Variants in DCDC1 observed in about 807,000 individuals in gnomAD.
The protein encoded by DCDC1 is doublecortin domain-containing protein 1.
In DCDC1, 200 loss-of-function variants were observed where a neutral mutation model predicts 178.3. The ratio of observed to expected loss-of-function variants is 1.12; its 90% confidence interval spans 1.00 to 1.26. The LOEUF (loss-of-function observed/expected upper bound fraction) is 1.26, where lower values mean the gene tolerates loss of function less well. Among genes scored for constraint, DCDC1 ranks in the 50% most tolerant of loss-of-function variants. The pLI is 0.00. For missense variants in DCDC1, 1,983 were observed against 1,749.2 expected (o/e 1.13, Z -2.38); for synonymous variants, 690 against 604.8 (o/e 1.14, Z -2.07).
intron 1 of DCDC1, among the ~76,000 whole-genome samples, chr11:31,362,913 G>A (rs1449989908): frequency 6.6e-6 from 1 of 152,078 alleles, no homozygotes; most frequent in Non-Finnish European, 1.5e-5. Context: ...GCAAGAAGCT[G>A]AAATGCTAAA....
chr11:31,284,305 A>G (rs1349562918), intron 7 of DCDC1, among the ~76,000 whole-genome samples: 1 of 152,190 alleles, frequency 6.6e-6, no homozygotes, highest in African/African-American at 2.4e-5. Context: ...CTTAAACATC[A>G]GAAAATGGGT....
intron 1 of DCDC1, among the ~76,000 whole-genome samples, chr11:31,351,563 T>C (rs1951072192): frequency 6.6e-6 from 1 of 152,144 alleles, no homozygotes; most frequent in Non-Finnish European, 1.5e-5. Context: ...GTAAATATTA[T>C]GTGGGAAATC....
chr11:31,276,610 CATT>C (rs1288892138), intron 7 of DCDC1, among the ~76,000 whole-genome samples: 4 of 152,100 alleles, frequency 2.6e-5, no homozygotes, highest in Non-Finnish European at 5.9e-5. Context: ...AAATTATTAT[CATT>C]ATGTTAACCA....
At chr11:31,075,259 T>C (rs1049657657) in intron 18 of DCDC1, among the ~76,000 whole-genome samples, 10 of 152,230 alleles carry the variant, frequency 6.6e-5, no homozygotes, top group Non-Finnish European at 2.9e-5. Context: ...TATTCCACTG[T>C]ATATATACCA....
At chr11:30,920,635 A>T in intron 25 of DCDC1, 141 bp downstream of exon 25, 1 of 939,492 alleles carries the variant, frequency 1.1e-6, no homozygotes, top group Non-Finnish European at 1.5e-6. Context: ...CCGGAAAACT[A>T]ATTAAATACT....
Position 30,906,595 on chromosome 11 carries a change from G to C in DCDC1, c.4049C>G (p.Thr1350Ser). 1.2e-6 allele frequency: 2 copies of C among 1,613,334 alleles called. No homozygotes were observed. Among genetic ancestry groups the C allele is most frequent in the Non-Finnish European group, 1.7e-6 (2 of 1,179,624 alleles). Residue 1350 changes from threonine (T) to serine (S), a missense_variant, in exon 30 of 39, where the codon ACC becomes AGC. By Grantham distance (58) the Thr-to-Ser change is moderately conservative. Coordinates refer to ENST00000684477, the MANE Select transcript of DCDC1 (RefSeq NM_001387274.1). ...PGVPFLCISG[T>S]KTQKPFLQGP... ...TTGTAAGAAGGGCTTCTGAGTCTTG[G>C]TGCCTGAAATACAGAGGAATGGAAC...
chr11:31,075,806 C>T (rs573428572), intron 18 of DCDC1, among the ~76,000 whole-genome samples: 2 of 152,352 alleles, frequency 1.3e-5, no homozygotes, highest in East Asian at 3.9e-4. Context: ...GGGGGACTCT[C>T]AAAGTGCTCA....
At chr11:31,265,457 A>T in intron 8 of DCDC1, 50 bp downstream of exon 8, 1 of 1,063,404 alleles carries the variant, frequency 9.4e-7, no homozygotes, top group Non-Finnish European at 1.3e-6. Flanking sequence ...ACAAAATATA[A>T]ATGTCTTTCA....
chr11:31,246,330 A>G (rs955272129), intron 8 of DCDC1, among the ~76,000 whole-genome samples: 1 of 152,060 alleles, frequency 6.6e-6, no homozygotes, highest in Admixed American at 6.6e-5. Context: ...AGTTACCTAT[A>G]AAGAAACTTC....
intron 9 of DCDC1, among the ~76,000 whole-genome samples, chr11:31,175,596 A>G (rs541324717): frequency 1.1e-4 from 17 of 152,290 alleles, no homozygotes; most frequent in African/African-American, 3.8e-4. Context: ...AGCCACACTC[A>G]TGCACACCTG....
In DCDC1 at chr11:31,200,958, C is replaced by A. The variant is rs558088993; in HGVS notation, c.1221+40492G>T. On this transcript the variant is annotated intron_variant, in intron 9 of 38. Transcript: ENST00000684477. ...CTTGCTCTTAGGAGAAAAAAAAAAA[C>A]AAAAAATCTTCTAGCCCCCAAATCT... is the stretch of plus-strand genomic sequence containing the variant. Among the ~76,000 whole-genome samples, 7 of 151,044 alleles carry A rather than the reference C, an allele frequency of 4.6e-5. No individual in the cohort carries two copies. In the South Asian group the frequency reaches 1.0e-3, roughly 23 times the overall value.
chr11:31,125,474 G>A (rs1401320912), intron 11 of DCDC1, among the ~76,000 whole-genome samples: 1 of 152,080 alleles, frequency 6.6e-6, no homozygotes, highest in African/African-American at 2.4e-5. Context: ...ATACATGCAT[G>A]TGTATGTTCA....
At chr11:31,359,026 C>T (rs907877774) in intron 1 of DCDC1, among the ~76,000 whole-genome samples, 2 of 152,176 alleles carry the variant, frequency 1.3e-5, no homozygotes, top group African/African-American at 2.4e-5. Context: ...GTCAGTGTGG[C>T]GATTCCTCAG....
At chr11:31,237,467 A>G (rs1363257612) in intron 9 of DCDC1, among the ~76,000 whole-genome samples, 1 of 151,940 alleles carries the variant, frequency 6.6e-6, no homozygotes, top group Non-Finnish European at 1.5e-5. Context: ...AACATATATA[A>G]CAGCATCCAA....
At chr11:31,000,139 G>A (rs1328024996) in intron 20 of DCDC1, among the ~76,000 whole-genome samples, 1 of 152,202 alleles carries the variant, frequency 6.6e-6, no homozygotes, top group Non-Finnish European at 1.5e-5. Flanking sequence ...CTGGTTAAGA[G>A]TAATGAATCT....
chr11:30,951,611 C>A, intron 21 of DCDC1, among the ~76,000 whole-genome samples: 1 of 151,956 alleles, frequency 6.6e-6, no homozygotes. Context: ...ACTATAATAG[C>A]ATATAAGTCA....
At chr11:31,344,153 C>T (rs1349408221) in intron 1 of DCDC1, among the ~76,000 whole-genome samples, 1 of 152,026 alleles carries the variant, frequency 6.6e-6, no homozygotes, top group Admixed American at 6.6e-5. Flanking sequence ...TGCACATTGA[C>T]AATTAAATGA....
chr11:31,148,534 A>G (rs890028688), intron 9 of DCDC1, among the ~76,000 whole-genome samples: 21 of 152,166 alleles, frequency 1.4e-4, no homozygotes, highest in African/African-American at 5.1e-4. Context: ...AAATAAATAA[A>G]TAAGTTTCTT....
chr11:31,340,905 A>T (rs1433945475), intron 1 of DCDC1, among the ~76,000 whole-genome samples: 1 of 152,112 alleles, frequency 6.6e-6, no homozygotes, highest in Non-Finnish European at 1.5e-5. Flanking sequence ...TAGAGAAGGG[A>T]AGGAGAAAAC....
Sources: gnomAD v4.1 joint callset for allele counts (sites outside exome capture counted in the v4.1 genomes callset) on GRCh38, gnomAD v4.1.1 for gene constraint, MANE v1.5 for transcripts, NCBI Gene and HGNC (gene_info 2026-07-23, HGNC 2026-07-21) for gene names.